The following RPS6KC1 variants were observed in gnomAD, a reference collection of about 807,000 sequenced individuals.
RPS6KC1 encodes the protein inactive ribosomal protein S6 kinase delta-1.
A neutral mutation model predicts 103.8 loss-of-function variants in RPS6KC1; 54 were observed. The ratio of observed to expected loss-of-function variants is 0.52; its 90% CI spans 0.42 to 0.65. The LOEUF (loss-of-function observed/expected upper bound fraction) is 0.65, where lower values mean the gene tolerates loss of function less well. Ranked by LOEUF, RPS6KC1 falls within the 30% of genes least tolerant of loss-of-function variation. RPS6KC1 has a pLI of 0.00. For missense variants in RPS6KC1, 1,151 were observed against 1,253.8 expected (o/e 0.92, Z 1.24); for synonymous variants, 439 against 438.7 (o/e 1.00, Z -0.01).
chr1:213,238,441 G>A (rs142902952), intron 10 of RPS6KC1, among the ~76,000 whole-genome samples: 3 of 152,214 alleles, frequency 2.0e-5, no homozygotes, highest in Non-Finnish European at 2.9e-5. Context: ...ATGCCTATGC[G>A]GAGTTGGTAT....
chr1:213,123,193 G>A (rs2084598835), intron 5 of RPS6KC1, among the ~76,000 whole-genome samples: 1 of 152,052 alleles, frequency 6.6e-6, no homozygotes, highest in Non-Finnish European at 1.5e-5. Context: ...GAGGGGAGGC[G>A]GGGAGAAGAC....
the RPS6KC1 span, among the ~76,000 whole-genome samples, chr1:213,653,599 T>C: frequency 6.6e-6 from 1 of 152,374 alleles, no homozygotes; most frequent in South Asian, 2.1e-4. Flanking sequence ...CTTTAACCTA[T>C]CATTTGTAAT....
At chr1:213,096,526 A>G (rs554565809) in intron 3 of RPS6KC1, among the ~76,000 whole-genome samples, 12 of 152,170 alleles carry the variant, frequency 7.9e-5, no homozygotes, top group African/African-American at 2.9e-4. Context: ...TTAGCCGGAC[A>G]TGGTGGTATA....
At chr1:213,181,487 G>T (rs561802377) in intron 8 of RPS6KC1, among the ~76,000 whole-genome samples, 22 of 152,190 alleles carry the variant, frequency 1.4e-4, no homozygotes, top group Non-Finnish European at 2.8e-4. Flanking sequence ...ATATAATTGA[G>T]AAAATGTGTG....
chr1:213,125,285 CATAAT>C (rs1267168524), intron 5 of RPS6KC1, among the ~76,000 whole-genome samples: 15 of 151,988 alleles, frequency 9.9e-5, no homozygotes, highest in South Asian at 2.1e-4. Context: ...GTTGTTTTTG[CATAAT>C]ATAAGACACT....
intron 6 of RPS6KC1, among the ~76,000 whole-genome samples, chr1:213,147,553 A>G (rs1017121384): frequency 3.3e-5 from 5 of 152,064 alleles, no homozygotes; most frequent in African/African-American, 7.2e-5. Flanking sequence ...CCACTCATCT[A>G]TGTGTCTGTT....
chr1:213,420,324 A>G, the RPS6KC1 span, among the ~76,000 whole-genome samples: 1 of 152,132 alleles, frequency 6.6e-6, no homozygotes, highest in Non-Finnish European at 1.5e-5. Flanking sequence ...TCCCAAAAGG[A>G]AAAAGTAGGG....
intron 3 of RPS6KC1, among the ~76,000 whole-genome samples, chr1:213,089,465 G>GT (rs111263225): frequency 0.048 from 6,857 of 141,718 alleles, 245 homozygotes; most frequent in African/African-American, 0.1. Context: ...TTTGCTGTTT[G>GT]TTTTTTTTTT....
At chr1:213,705,046 T>C in the RPS6KC1 span, among the ~76,000 whole-genome samples, 4 of 152,236 alleles carry the variant, frequency 2.6e-5, no homozygotes, top group Admixed American at 6.5e-5. Flanking sequence ...TCACCACCAC[T>C]GGGACTGTGC....
At chr1:213,614,587 C>T in the RPS6KC1 span, among the ~76,000 whole-genome samples, 19 of 152,318 alleles carry the variant, frequency 1.2e-4, no homozygotes, top group African/African-American at 3.4e-4. Context: ...CAGCATTATT[C>T]CCAATTCCCA....
At chr1:213,610,263 C>T in the RPS6KC1 span, among the ~76,000 whole-genome samples, 11 of 152,298 alleles carry the variant, frequency 7.2e-5, no homozygotes, top group East Asian at 9.7e-4. Context: ...TATTGGAAGC[C>T]ATTCCAAATG....
At chr1:213,593,296 G>A in the RPS6KC1 span, among the ~76,000 whole-genome samples, 1 of 152,094 alleles carries the variant, frequency 6.6e-6, no homozygotes, top group African/African-American at 2.4e-5. Flanking sequence ...TAGATGATCT[G>A]ATTTGTATTT....
At chr1:213,798,223 C>T in the RPS6KC1 span, among the ~76,000 whole-genome samples, 1 of 152,144 alleles carries the variant, frequency 6.6e-6, no homozygotes, top group African/African-American at 2.4e-5. Flanking sequence ...GCAGCTACGC[C>T]CTGCCGTTAA....
the RPS6KC1 span, among the ~76,000 whole-genome samples, chr1:213,403,107 G>A: frequency 5.3e-5 from 8 of 151,864 alleles, no homozygotes; most frequent in Non-Finnish European, 1.0e-4. Context: ...CAGCCTGGGC[G>A]ACAGAGCAAG....
chr1:213,245,071 C>G (rs1171941718), intron 12 of RPS6KC1, among the ~76,000 whole-genome samples: 1 of 152,082 alleles, frequency 6.6e-6, no homozygotes, highest in Admixed American at 6.5e-5. Context: ...GACCTTAAAT[C>G]TAGAGAGTTA....
At chr1:213,779,379 C>T in the RPS6KC1 span, among the ~76,000 whole-genome samples, 1 of 152,212 alleles carries the variant, frequency 6.6e-6, no homozygotes, top group Non-Finnish European at 1.5e-5. Flanking sequence ...ACCCTGCTGC[C>T]TATCTAACTC....
At chr1:213,858,735 C>T in the RPS6KC1 span, among the ~76,000 whole-genome samples, 12 of 152,168 alleles carry the variant, frequency 7.9e-5, no homozygotes, top group African/African-American at 2.4e-4. Context: ...CTCCACATTC[C>T]TCCTGGACCC....
chr1:213,510,518 C>T, the RPS6KC1 span, among the ~76,000 whole-genome samples: 83 of 152,178 alleles, frequency 5.5e-4, no homozygotes, highest in African/African-American at 9.4e-4. Flanking sequence ...TAGGCTATAA[C>T]GGGCTAGTTG....
At chr1:213,216,955 A>G (rs2093681816) in intron 8 of RPS6KC1, among the ~76,000 whole-genome samples, 1 of 151,940 alleles carries the variant, frequency 6.6e-6, no homozygotes, top group African/African-American at 2.4e-5. Context: ...CATCACAATT[A>G]AAAGAACTAG....
Sources: gnomAD v4.1 joint callset for allele counts (sites outside exome capture counted in the v4.1 genomes callset) on GRCh38, gnomAD v4.1.1 for gene constraint, MANE v1.5 for transcripts, NCBI Gene and HGNC (gene_info 2026-07-23, HGNC 2026-07-21) for gene names.